CNOT7: variants seen among roughly 807,000 people sequenced by gnomAD.
CNOT7 encodes CCR4-NOT transcription complex subunit 7, also known as BTG1-binding factor 1.
CNOT7 carries 4 observed loss-of-function variants against 37.1 expected under a neutral mutation model. The observed-to-expected ratio is 0.11, with a 90% CI of 0.05 to 0.25. The LOEUF (loss-of-function observed/expected upper bound fraction) is 0.25, where lower values mean the gene tolerates loss of function less well. CNOT7 is among the 10% of genes least tolerant of loss of function. CNOT7 has a pLI of 1.00. For missense variants in CNOT7, 170 were observed against 336.2 expected (o/e 0.51, Z 3.87); for synonymous variants, 128 against 115.6 (o/e 1.11, Z -0.69).
intron 3 of CNOT7, among the ~76,000 whole-genome samples, chr8:17,240,089 C>T (rs1809950777): frequency 6.6e-6 from 1 of 152,188 alleles, no homozygotes; most frequent in Admixed American, 6.5e-5. Context: ...TTCTAGCCAC[C>T]CCATTAAAAA....
intron 3 of CNOT7, among the ~76,000 whole-genome samples, chr8:17,237,837 T>G (rs1385566740): frequency 6.6e-6 from 1 of 152,218 alleles, no homozygotes; most frequent in Non-Finnish European, 1.5e-5. Context: ...GGAGACCCAG[T>G]GGAAAATGTC....
rs1808285726 is a variant in CNOT7 at position 17,228,279 on chromosome 8, T to A, written c.*2441A>T. The stretch of plus-strand genomic sequence containing the variant: ...TATGAGCCTGTAATTAATTAATGGC[T>A]CAGTAACACTAAAATATCAGCCAAA... On this transcript the variant is annotated 3_prime_UTR_variant, in exon 7 of 7. Coordinates refer to ENST00000361272, the MANE Select transcript of CNOT7 (RefSeq NM_013354.7). The A allele has an allele frequency of 6.6e-6, 1 of 151,884 alleles. No homozygotes were observed. The highest frequency in any genetic ancestry group is 6.6e-5 in the Admixed American group (1 of 15,226). The allele number at this position is 151,884 out of a possible 1,614,324, so 9.4% of individuals were successfully genotyped here.
chr8:17,225,493 TAAAGAG>T lies in CNOT7; in HGVS notation c.*5221_*5226del, dbSNP rs746904449. ...GCTACAAAGCAATGAAATGGACTTC[TAAAGAG>T]AAATTGCTCAATTGCTTTTATACTA... On this transcript the variant is annotated 3_prime_UTR_variant, in exon 7 of 7. Transcript: ENST00000361272. The T allele has an allele frequency of 6.6e-6, 1 of 151,754 alleles. No homozygotes were observed. Among genetic ancestry groups the T allele is most frequent in the Non-Finnish European group, 1.5e-5 (1 of 67,694 alleles). The allele number at this position is 151,754 out of a possible 1,614,324, so 9.4% of individuals were successfully genotyped here.
rs536653684 is a variant in CNOT7 at position 17,241,923 on chromosome 8, T to C, written c.311+1069A>G. 2.6e-5 allele frequency: 4 copies of C among 152,332 alleles called. No homozygotes were observed. The South Asian group carries it at 8.3e-4, about 32-fold the overall frequency. 9.4% of individuals were successfully genotyped at this position (152,332 alleles called of 1,614,324 possible). ...AGAACAATTAATAAAAACAAGATAA[T>C]TATTTGCTCCATTATTCAGTTGAGG... On this transcript the variant is annotated intron_variant, in intron 3 of 6. Coordinates refer to ENST00000361272, the MANE Select transcript of CNOT7 (RefSeq NM_013354.7).
At position 17,246,755 on chromosome 8, in the gene CNOT7, G is replaced by T; in HGVS notation, c.-176C>A. 5.4e-6 allele frequency: 1 copy of T among 186,374 alleles called. No homozygotes were observed. Among genetic ancestry groups the T allele is most frequent in the Non-Finnish European group, 1.1e-5 (1 of 89,898 alleles). The allele number at this position is 186,374 out of a possible 1,614,324, so 11.5% of individuals were successfully genotyped here. On this transcript the variant is annotated 5_prime_UTR_variant, in exon 1 of 7. Coordinates refer to ENST00000361272, the MANE Select transcript of CNOT7 (RefSeq NM_013354.7). ...GGCGGCGGTGGCGGTGGCGGTGGCGGTAGCGGCGGCGGCAGCGGGTGCCCC... is the reference window on the plus strand; with the variant it reads ...GGCGGCGGTGGCGGTGGCGGTGGCGTTAGCGGCGGCGGCAGCGGGTGCCCC...
At chr8:17,232,297 G>A (rs183519079) in intron 6 of CNOT7, 130 bp downstream of exon 6, 211 of 1,536,458 alleles carry the variant, frequency 1.4e-4, no homozygotes, top group Non-Finnish European at 1.8e-4. Flanking sequence ...TGTGGTGGAT[G>A]TGACTCATAT....
chr8:17,229,608 T>G lies in CNOT7; in HGVS notation c.*1112A>C, dbSNP rs1192935795. 1.3e-5 allele frequency: 2 copies of G among 151,772 alleles called. No homozygotes were observed. Among genetic ancestry groups the G allele is most frequent in the African/African-American group, 4.8e-5 (2 of 41,264 alleles). The allele number at this position is 151,772 out of a possible 1,614,324, so 9.4% of individuals were successfully genotyped here. A position where few individuals can be genotyped will look rare whatever the true frequency, so the allele number is the denominator to read the frequency against. ...ATACACAAAAAAATAAGCATTACAC[T>G]CCTCAGGTAATTTTATCAGCTATAT... On this transcript the variant is annotated 3_prime_UTR_variant, in exon 7 of 7. Coordinates refer to ENST00000361272, the MANE Select transcript of CNOT7 (RefSeq NM_013354.7).
intron 6 of CNOT7, chr8:17,231,400 A>G: frequency 2.4e-6 from 1 of 423,448 alleles, no homozygotes; most frequent in Non-Finnish European, 3.2e-6. Context: ...TGCAAAGCTA[A>G]AAAATCCAAA....
rs190497183 is a variant in CNOT7 at position 17,246,001 on chromosome 8, A to C, written c.-96+674T>G. 4.5e-4 allele frequency: 69 copies of C among 152,212 alleles called. 1 individual carries two copies. Among genetic ancestry groups the C allele is most frequent in the African/African-American group, 1.6e-3 (66 of 41,550 alleles). The allele number at this position is 152,212 out of a possible 1,614,324, so 9.4% of individuals were successfully genotyped here. A position where few individuals can be genotyped will look rare whatever the true frequency, so the allele number is the denominator to read the frequency against. On this transcript the variant is annotated intron_variant, in intron 1 of 6. Transcript: ENST00000361272. ...AAGAGGGTCTTATGACTGTCTTCTA[A>C]ACTCTGAAGAGTCACAAATGTAACT...
In CNOT7 at chr8:17,243,015, C is replaced by T. The variant is rs1332646914; in HGVS notation, c.288G>A (p.Gln96=). The change falls in exon 3 of 7, where the codon CAG becomes CAA. Residue 96 remains glutamine (Q), a synonymous_variant. Coordinates refer to ENST00000361272, the MANE Select transcript of CNOT7 (RefSeq NM_013354.7). ...ACGTCAAATTAAATTTAAAATTAAA[C>T]TGCCAAGTTGAAGTTCCTGGAGGGT... The part of the protein sequence containing the change: ...GEYPPGTSTW[Q]FNFKFNLTED... The T allele has an allele frequency of 1.9e-6, 3 of 1,593,904 alleles. No homozygotes were observed. Among genetic ancestry groups the T allele is most frequent in the South Asian group, 1.2e-5 (1 of 86,702 alleles).
chr8:17,245,003 T>A, intron 2 of CNOT7, 33 bp downstream of exon 2: 1 of 1,511,726 alleles, frequency 6.6e-7, no homozygotes, highest in Non-Finnish European at 9.1e-7. Flanking sequence ...CTCCTTTATA[T>A]GAAGCGTTTT....
Position 17,227,196 on chromosome 8 carries a change from C to CT in CNOT7, c.*3523dup, listed in dbSNP as rs1332625047. ...AAGCCTTAAAATTTGACCAAATAAA[C>CT]TTTTTTTCTGCTTCATGCATTTTTC... On this transcript the variant is annotated 3_prime_UTR_variant, in exon 7 of 7. Coordinates refer to ENST00000361272, the MANE Select transcript of CNOT7 (RefSeq NM_013354.7). 6.6e-6 allele frequency: 1 copy of CT among 151,842 alleles called. No homozygotes were observed. The highest frequency in any genetic ancestry group is 1.5e-5 in the Non-Finnish European group (1 of 67,804). 9.4% of individuals were successfully genotyped at this position (151,842 alleles called of 1,614,324 possible). A position where few individuals can be genotyped will look rare whatever the true frequency, so the allele number is the denominator to read the frequency against.
intron 6 of CNOT7, 98 bp downstream of exon 6, chr8:17,232,329 A>T: frequency 1.3e-6 from 2 of 1,596,040 alleles, no homozygotes; most frequent in South Asian, 1.1e-5. Context: ...TTATATCTTT[A>T]CTTAGTAGGT....
intron 3 of CNOT7, chr8:17,241,434 A>T (rs1360331247): frequency 6.6e-6 from 1 of 152,166 alleles, no homozygotes; most frequent in African/African-American, 2.4e-5. Flanking sequence ...CAGTGTAATT[A>T]CAAGCCACAC....
In CNOT7 at chr8:17,231,528, T is replaced by C. The variant is rs570880497; in HGVS notation, c.730-680A>G. On this transcript the variant is annotated intron_variant, in intron 6 of 6. Transcript: ENST00000361272. Reference sequence around the variant, plus strand: ...CAACAACACTACTTAGCAAAACAGCTTTAATGCTTTCTATTATCAATACAT... The same window carrying C: ...CAACAACACTACTTAGCAAAACAGCCTTAATGCTTTCTATTATCAATACAT... 68 of 985,174 alleles carry C rather than the reference T, an allele frequency of 6.9e-5. No homozygotes were observed. In the South Asian group the frequency reaches 2.8e-3, roughly 40 times the overall value. The allele number at this position is 985,174 out of a possible 1,614,324, so 61.0% of individuals were successfully genotyped here.
chr8:17,232,085 A>G, intron 6 of CNOT7: 2 of 1,002,970 alleles, frequency 2.0e-6, no homozygotes, highest in Non-Finnish European at 2.4e-6. Context: ...GAGTCAGAAA[A>G]GAACTCTGGA....
chr8:17,243,886 T>C (rs1810526394), intron 2 of CNOT7, among the ~76,000 whole-genome samples: 1 of 152,228 alleles, frequency 6.6e-6, no homozygotes, highest in African/African-American at 2.4e-5. Flanking sequence ...AACAGTCATA[T>C]TTTAACCAAT....
intron 5 of CNOT7, among the ~76,000 whole-genome samples, 180 bp from the exon 6 acceptor site, chr8:17,232,717 A>G (rs539261459): frequency 6.6e-6 from 1 of 152,328 alleles, no homozygotes; most frequent in Admixed American, 6.5e-5. Flanking sequence ...TTGAATGCGG[A>G]AAAAGTATCA....
chr8:17,245,665 A>C (rs961119288), intron 1 of CNOT7, among the ~76,000 whole-genome samples: 7 of 152,350 alleles, frequency 4.6e-5, no homozygotes, highest in East Asian at 1.9e-4. Context: ...TTAATAAAAC[A>C]ACCAAAATCC....
Sources: allele counts gnomAD v4.1 joint callset (sites outside exome capture counted in the v4.1 genomes callset), GRCh38; gene constraint gnomAD v4.1.1; transcripts MANE v1.5; gene names NCBI Gene and HGNC (gene_info 2026-07-23, HGNC 2026-07-21).